MGAT4C: variants seen among roughly 807,000 people sequenced by gnomAD.
The protein encoded by MGAT4C is MGAT4 family member C.
In MGAT4C, 19 loss-of-function variants were observed where a neutral mutation model predicts 40.1. That is an observed-to-expected ratio of 0.47 (90% confidence interval 0.33 to 0.70). MGAT4C has a LOEUF of 0.70. Among genes scored for constraint, MGAT4C ranks in the 30% least tolerant of loss-of-function variants. The pLI is 0.02. For missense variants in MGAT4C, 491 were observed against 563.2 expected (o/e 0.87, Z 1.30); for synonymous variants, 181 against 187.1 (o/e 0.97, Z 0.27).
Position 85,959,022 on chromosome 12 carries a change from C to CAA in MGAT4C, c.*20266_*20267insTT, listed in dbSNP as rs1882969204. 2 of 146,582 alleles carry CAA rather than the reference C, an allele frequency of 1.4e-5. No homozygotes were observed. The highest frequency in any genetic ancestry group is 3.0e-5 in the Non-Finnish European group (2 of 67,234). The allele number at this position is 146,582 out of a possible 1,614,324, so 9.1% of individuals were successfully genotyped here. ...TATGTTATTAAATCTCTGGTAACCACTATACAATACAATACAATACAATAC... is the reference window on the plus strand; with the variant it reads ...TATGTTATTAAATCTCTGGTAACCACAATATACAATACAATACAATACAATAC... On this transcript the variant is annotated 3_prime_UTR_variant, in exon 5 of 5. Coordinates refer to ENST00000611864, the MANE Select transcript of MGAT4C (RefSeq NM_001351288.2).
At chr12:86,452,115 GTT>G (rs1957432603) in intron 2 of MGAT4C, among the ~76,000 whole-genome samples, 1 of 151,910 alleles carries the variant, frequency 6.6e-6, no homozygotes. Context: ...CCTGTTTCTT[GTT>G]TGTTTTTCTA....
At chr12:85,999,760 T>C (rs1887091734) in intron 2 of MGAT4C, among the ~76,000 whole-genome samples, 2 of 152,106 alleles carry the variant, frequency 1.3e-5, no homozygotes, top group African/African-American at 4.8e-5. Context: ...TTAAGTGAAG[T>C]AAGCCAGGCA....
At chr12:86,831,234 C>G (rs1249939499) in intron 1 of MGAT4C, among the ~76,000 whole-genome samples, 2 of 151,502 alleles carry the variant, frequency 1.3e-5, no homozygotes, top group Non-Finnish European at 2.9e-5. Context: ...CAATGATAAT[C>G]GAAAAGAAGA....
intron 1 of MGAT4C, among the ~76,000 whole-genome samples, chr12:86,143,949 G>A (rs1354790734): frequency 6.6e-6 from 1 of 152,138 alleles, no homozygotes; most frequent in African/African-American, 2.4e-5. Context: ...TTTCCAAGAT[G>A]GGAATAATGT....
At chr12:86,678,139 T>C (rs1949901779) in intron 2 of MGAT4C, among the ~76,000 whole-genome samples, 1 of 152,108 alleles carries the variant, frequency 6.6e-6, no homozygotes, top group Admixed American at 6.6e-5. Context: ...ATCTCAAATA[T>C]CCAGAGCTGA....
rs1453560342 is a variant in MGAT4C at position 86,514,097 on chromosome 12, CACACACACACACA to C, written c.-228-78845_-228-78833del. 3.2e-3 allele frequency among the ~76,000 whole-genome samples: 493 copies of C among 151,788 alleles called. 1 individual carries two copies. The highest frequency in any genetic ancestry group is 0.011 in the African/African-American group (476 of 41,416). On this transcript the variant is annotated intron_variant, in intron 2 of 7. Transcript: ENST00000548651. ...ACACACACACACACACACACACACA[CACACACACACACA>C]ACCCCGGCTTAGTAGAGATTTGGAG...
intron 2 of MGAT4C, among the ~76,000 whole-genome samples, chr12:86,598,693 C>A (rs1279662818): frequency 6.6e-6 from 1 of 152,046 alleles, no homozygotes; most frequent in Admixed American, 6.6e-5. Context: ...CTAAACTACC[C>A]TAAAAGGTAT....
chr12:86,216,106 C>T (rs1054728776), intron 1 of MGAT4C, among the ~76,000 whole-genome samples: 3 of 152,026 alleles, frequency 2.0e-5, no homozygotes, highest in African/African-American at 4.8e-5. Flanking sequence ...GGGATACTGG[C>T]TAACTTTATG....
At chr12:86,280,698 C>T (rs1226161351) in intron 4 of MGAT4C, among the ~76,000 whole-genome samples, 3 of 145,668 alleles carry the variant, frequency 2.1e-5, no homozygotes, top group African/African-American at 2.5e-5. Flanking sequence ...AATTTCTATC[C>T]TTTTTTTTTT....
chr12:86,393,337 A>T (rs1956190402), intron 3 of MGAT4C, among the ~76,000 whole-genome samples: 2 of 152,010 alleles, frequency 1.3e-5, no homozygotes, highest in South Asian at 2.1e-4. Context: ...CACATGATGT[A>T]AAAAAAAGAT....
intron 1 of MGAT4C, among the ~76,000 whole-genome samples, chr12:86,220,020 A>T (rs1313785792): frequency 6.6e-6 from 1 of 152,180 alleles, no homozygotes. Flanking sequence ...TTAGCACCAG[A>T]GAAAGACTGC....
upstream of MGAT4C, among the ~76,000 whole-genome samples, chr12:86,259,016 G>A (rs1952600456): frequency 6.6e-6 from 1 of 151,540 alleles, no homozygotes; most frequent in African/African-American, 2.4e-5. Context: ...ATACACTCAG[G>A]AACATTCAGA....
At chr12:86,303,485 C>T (rs1953862423) in intron 4 of MGAT4C, among the ~76,000 whole-genome samples, 1 of 149,564 alleles carries the variant, frequency 6.7e-6, no homozygotes, top group South Asian at 2.1e-4. Context: ...TACCTTGAGT[C>T]AGATCTTATA....
At chr12:86,021,377 G>A (rs966440461) in intron 2 of MGAT4C, among the ~76,000 whole-genome samples, 6 of 151,994 alleles carry the variant, frequency 3.9e-5, no homozygotes, top group African/African-American at 9.7e-5. Context: ...AGAAAATGTG[G>A]CACATATACA....
At chr12:86,650,105 A>G (rs1176707233) in intron 2 of MGAT4C, among the ~76,000 whole-genome samples, 1 of 151,924 alleles carries the variant, frequency 6.6e-6, no homozygotes, top group East Asian at 1.9e-4. Context: ...TCTATATTTT[A>G]CAATAGCTGC....
upstream of MGAT4C, among the ~76,000 whole-genome samples, chr12:86,258,650 T>G (rs771006969): frequency 4.1e-4 from 62 of 152,072 alleles, no homozygotes; most frequent in Non-Finnish European, 7.9e-4. Flanking sequence ...GAAAGCTGGT[T>G]TTTGTTATTA....
chr12:86,622,670 G>GA (rs1962677228), intron 2 of MGAT4C, among the ~76,000 whole-genome samples: 1 of 151,868 alleles, frequency 6.6e-6, no homozygotes, highest in South Asian at 2.1e-4. Context: ...AATATTCTGG[G>GA]ACAAAGCTCA....
At chr12:86,582,553 T>C (rs1960832204) in intron 2 of MGAT4C, among the ~76,000 whole-genome samples, 1 of 151,392 alleles carries the variant, frequency 6.6e-6, no homozygotes, top group Non-Finnish European at 1.5e-5. Context: ...CTGTAGTTGA[T>C]TTGATAGTTT....
chr12:86,700,037 T>TAGATAGATAGATAGATAGAC (rs1950328452), intron 2 of MGAT4C, among the ~76,000 whole-genome samples: 1 of 149,936 alleles, frequency 6.7e-6, no homozygotes, highest in Non-Finnish European at 1.5e-5. Context: ...TTTAGATAAA[T>TAGATAGATAGATAGATAGAC]AGATAGATAG....
Sources: gnomAD v4.1 joint callset for allele counts (sites outside exome capture counted in the v4.1 genomes callset) on GRCh38, gnomAD v4.1.1 for gene constraint, MANE v1.5 for transcripts, NCBI Gene and HGNC (gene_info 2026-07-23, HGNC 2026-07-21) for gene names.